NREP: variants seen among roughly 807,000 people sequenced by gnomAD.
NREP encodes the protein neuronal regeneration related protein.
In NREP, 5 loss-of-function variants were observed where a neutral mutation model predicts 8.6. The observed-to-expected ratio is 0.58, with a 90% confidence interval of 0.30 to 1.22. The LOEUF (loss-of-function observed/expected upper bound fraction) is 1.22. NREP is among the 50% of genes most tolerant of loss of function. The probability of loss-of-function intolerance (pLI) is 0.07; values close to 1 mark genes in which losing one functional copy is unlikely to be tolerated. For synonymous variants in NREP, 27 were observed against 28.0 expected, an observed-to-expected ratio of 0.96 and a Z score of 0.11; for missense variants, 86 against 82.5, an observed-to-expected ratio of 1.04 and a Z score of -0.17.
chr5:111,736,357 G>A (rs1749114845), intron 2 of NREP, among the ~76,000 whole-genome samples: 1 of 152,176 alleles, frequency 6.6e-6, no homozygotes, highest in Non-Finnish European at 1.5e-5. Flanking sequence ...CCATCTGTCA[G>A]GGCTAATTCA....
chr5:111,769,065 G>C (rs985877838), intron 2 of NREP, among the ~76,000 whole-genome samples: 6 of 152,130 alleles, frequency 3.9e-5, no homozygotes, highest in Non-Finnish European at 8.8e-5. Flanking sequence ...TCTGACTGGT[G>C]TGAGATGACA....
chr5:111,868,709 G>A (rs2112492666), intron 2 of NREP, among the ~76,000 whole-genome samples: 1 of 152,286 alleles, frequency 6.6e-6, no homozygotes, highest in South Asian at 2.1e-4. Context: ...GATGGAACTT[G>A]AACTTGCCTC....
chr5:111,742,453 A>G (rs1749741889), intron 2 of NREP, among the ~76,000 whole-genome samples: 1 of 152,108 alleles, frequency 6.6e-6, no homozygotes, highest in South Asian at 2.1e-4. Flanking sequence ...TACATGTGAA[A>G]TTAATCGTCA....
At chr5:111,818,155 T>C (rs1752435883) in intron 2 of NREP, among the ~76,000 whole-genome samples, 1 of 152,192 alleles carries the variant, frequency 6.6e-6, no homozygotes, top group South Asian at 2.1e-4. Context: ...AAACATTAAA[T>C]AATTAGATCA....
At chr5:111,946,683 T>C (rs1755994759) in intron 2 of NREP, among the ~76,000 whole-genome samples, 1 of 151,960 alleles carries the variant, frequency 6.6e-6, no homozygotes. Context: ...GTAGAGGGCA[T>C]TGAATTTCCT....
chr5:111,757,963 G>A, upstream of NREP: 2 of 985,582 alleles, frequency 2.0e-6, no homozygotes, highest in Non-Finnish European at 2.4e-6. Flanking sequence ...GAGGGCATCT[G>A]AGGAAAAGAG....
At chr5:111,915,811 C>T (rs551519545) in intron 2 of NREP, among the ~76,000 whole-genome samples, 123 of 152,238 alleles carry the variant, frequency 8.1e-4, no homozygotes, top group African/African-American at 2.7e-3. Flanking sequence ...TTTAAAAATG[C>T]TAGCAGCAAT....
chr5:111,834,691 G>A (rs774848426), intron 2 of NREP, among the ~76,000 whole-genome samples: 4 of 152,114 alleles, frequency 2.6e-5, no homozygotes, highest in Non-Finnish European at 4.4e-5. Flanking sequence ...CCCATTACTG[G>A]CTGTGGAACC....
intron 2 of NREP, among the ~76,000 whole-genome samples, chr5:111,903,274 G>A (rs188632991): frequency 1.6e-3 from 244 of 151,662 alleles, no homozygotes; most frequent in Non-Finnish European, 2.7e-3. Flanking sequence ...TAGTAGAGAC[G>A]GGGTTTCACC....
intron 2 of NREP, among the ~76,000 whole-genome samples, chr5:111,962,693 T>C (rs926056106): frequency 1.3e-5 from 2 of 152,184 alleles, no homozygotes; most frequent in African/African-American, 4.8e-5. Flanking sequence ...CAAAATTACC[T>C]ACGCCCTGCC....
At chr5:111,792,555 C>A (rs1751776021) in intron 2 of NREP, among the ~76,000 whole-genome samples, 1 of 152,098 alleles carries the variant, frequency 6.6e-6, no homozygotes. Context: ...TAGGATTTTC[C>A]TTTTACAGGA....
intron 2 of NREP, among the ~76,000 whole-genome samples, chr5:111,887,493 T>C (rs140395938): frequency 3.9e-5 from 6 of 152,348 alleles, no homozygotes; most frequent in African/African-American, 4.8e-5. Flanking sequence ...GATACAATTA[T>C]AAGCTGCTGA....
intron 2 of NREP, among the ~76,000 whole-genome samples, chr5:111,803,132 G>T (rs7443302): frequency 7.9e-5 from 12 of 152,032 alleles, no homozygotes; most frequent in Admixed American, 6.5e-5. Flanking sequence ...AAGTGCCATT[G>T]ATACCAGCCA....
chr5:111,886,439 A>G (rs555831540), intron 2 of NREP, among the ~76,000 whole-genome samples: 1,664 of 152,254 alleles, frequency 0.011, 16 homozygotes, highest in South Asian at 0.036. Flanking sequence ...CTAGAACTAG[A>G]AATACTATTT....
chr5:111,932,755 G>T (rs937001940), intron 2 of NREP, among the ~76,000 whole-genome samples: 4 of 151,986 alleles, frequency 2.6e-5, no homozygotes, highest in African/African-American at 4.8e-5. Flanking sequence ...CCAACTAAAA[G>T]GTCACGTAAT....
intron 2 of NREP, among the ~76,000 whole-genome samples, chr5:111,867,126 C>T (rs1356950221): frequency 6.6e-6 from 1 of 151,538 alleles, no homozygotes. Context: ...GCACATGTAC[C>T]CTAGAACTTT....
At chr5:111,814,504 C>T (rs968701051) in intron 2 of NREP, among the ~76,000 whole-genome samples, 3 of 152,088 alleles carry the variant, frequency 2.0e-5, no homozygotes, top group Non-Finnish European at 4.4e-5. Flanking sequence ...TTGATTTCTG[C>T]CCCTCTTTTG....
At chr5:111,814,231 T>G (rs943719856) in intron 2 of NREP, among the ~76,000 whole-genome samples, 1 of 152,134 alleles carries the variant, frequency 6.6e-6, no homozygotes, top group African/African-American at 2.4e-5. Context: ...ACTGAACACC[T>G]GCAGATATGA....
chr5:111,813,394 T>C (rs1193410962), intron 2 of NREP, among the ~76,000 whole-genome samples: 1 of 152,202 alleles, frequency 6.6e-6, no homozygotes, highest in Admixed American at 6.5e-5. Context: ...GGATAAATCA[T>C]TTACCAAATC....
Sources: gnomAD v4.1 joint callset for allele counts (sites outside exome capture counted in the v4.1 genomes callset) on GRCh38, gnomAD v4.1.1 for gene constraint, MANE v1.5 for transcripts, NCBI Gene and HGNC (gene_info 2026-07-23, HGNC 2026-07-21) for gene names.